The following SLC39A6 variants were observed in gnomAD, a reference collection of about 807,000 sequenced individuals.
SLC39A6 encodes the protein zinc transporter ZIP6.
SLC39A6 carries 51 observed loss-of-function variants against 63.5 expected under a neutral mutation model. The observed-to-expected ratio is 0.80, with a 90% confidence interval of 0.64 to 1.01. The LOEUF is 1.01. Ranked by LOEUF, SLC39A6 falls within the 50% of genes least tolerant of loss-of-function variation. The pLI is 0.00. For synonymous variants in SLC39A6, 318 were observed against 324.7 expected (o/e 0.98, Z 0.22); for missense variants, 805 against 927.8 (o/e 0.87, Z 1.72).
rs2089361030 is a variant in SLC39A6 at position 36,117,982 on chromosome 18, G to A, written c.1360-1203C>T. Among the ~76,000 whole-genome samples the A allele has an allele frequency of 2.0e-5, 3 of 149,736 alleles. No homozygotes were observed. The South Asian group carries it at 6.3e-4, about 32-fold the overall frequency. ...GGAGGCGGAGCTTGCAGTGAGCAGA[G>A]ATCGCGCCACTGCACTCCAGCCGGG... On this transcript the variant is annotated intron_variant, in intron 5 of 9. Coordinates refer to ENST00000269187, the MANE Select transcript of SLC39A6 (RefSeq NM_012319.4).
chr18:36,121,631 A>G (rs2089395146), intron 5 of SLC39A6, among the ~76,000 whole-genome samples: 1 of 152,216 alleles, frequency 6.6e-6, no homozygotes, highest in African/African-American at 2.4e-5. Context: ...GCAAGTCTGT[A>G]AAAGTCACAT....
rs756524103 is a variant in SLC39A6 at position 36,124,671 on chromosome 18, A to G, written c.819T>C (p.Ser273=). The part of the protein sequence containing the change: ...ECFNASKLLT[S]HGMGIQVPLN... ...GCGGAACCTGGATGCCCATGCCATG[A>G]GATGTCAGTAGCTTTGATGCATTGA... is the stretch of plus-strand genomic sequence containing the variant. Residue 273 remains serine (S), a synonymous_variant, in exon 3 of 10, where the codon TCT becomes TCC. Coordinates refer to ENST00000269187, the MANE Select transcript of SLC39A6 (RefSeq NM_012319.4). The G allele has an allele frequency of 6.4e-7, 1 of 1,571,346 alleles. No individual in the cohort carries two copies. The highest frequency in any genetic ancestry group is 1.7e-5 in the Admixed American group (1 of 59,422).
At chr18:36,125,617 C>T (rs2089431096) in intron 2 of SLC39A6, among the ~76,000 whole-genome samples, 1 of 151,814 alleles carries the variant, frequency 6.6e-6, no homozygotes, top group Non-Finnish European at 1.5e-5. Context: ...GACATAATTC[C>T]CTGTTCTTGA....
chr18:36,110,569 T>C (rs2089293013), intron 9 of SLC39A6, among the ~76,000 whole-genome samples: 1 of 152,144 alleles, frequency 6.6e-6, no homozygotes, highest in South Asian at 2.1e-4. Flanking sequence ...GACAGAGTCT[T>C]GCTCTGTTGT....
chr18:36,112,362 T>C (rs555494871), intron 8 of SLC39A6, 139 bp downstream of exon 8: 1 of 663,168 alleles, frequency 1.5e-6, no homozygotes, highest in East Asian at 2.5e-5. Flanking sequence ...TGATCCCTGA[T>C]GTCATCAGTA....
chr18:36,110,969 CA>C lies in SLC39A6; in HGVS notation c.2115+89del. ...AGCAAGATTCCACTTCCTGCTCCCC[CA>C]AAAAGAGAGAAAAAAAATGAGGCTT... is the stretch of plus-strand genomic sequence containing the variant. On this transcript the variant is annotated intron_variant, in intron 9 of 9. Transcript: ENST00000269187. 6 of 1,535,000 alleles carry C rather than the reference CA, an allele frequency of 3.9e-6. No individual in the cohort carries two copies. The South Asian group carries it at 6.4e-5, about 16-fold the overall frequency.
chr18:36,115,491 CA>C (rs1567958021), intron 6 of SLC39A6, among the ~76,000 whole-genome samples: 9 of 142,954 alleles, frequency 6.3e-5, no homozygotes, highest in African/African-American at 2.3e-4. Context: ...ACAACAACAA[CA>C]ACCATATATC....
chr18:36,123,723 A>G, intron 3 of SLC39A6, 59 bp from the exon 4 acceptor site: 2 of 1,518,334 alleles, frequency 1.3e-6, no homozygotes, highest in Non-Finnish European at 1.8e-6. Context: ...ACTCTACAAG[A>G]AAGACTTTTG....
chr18:36,124,783 G>T lies in SLC39A6; in HGVS notation c.790-83C>A, dbSNP rs984383677. On this transcript the variant is annotated intron_variant, in intron 2 of 9. Coordinates refer to ENST00000269187, the MANE Select transcript of SLC39A6 (RefSeq NM_012319.4). Reference sequence around the variant, plus strand: ...TGACACAATACCCTTTTTTACTAATGCTACTTCGTTTTCTCGAGTTAATGA... The same window carrying T: ...TGACACAATACCCTTTTTTACTAATTCTACTTCGTTTTCTCGAGTTAATGA... 1.0e-5 allele frequency: 11 copies of T among 1,094,572 alleles called. No homozygotes were observed. The African/African-American group carries it at 1.6e-4, about 16-fold the overall frequency. The allele number at this position is 1,094,572 out of a possible 1,614,324, so 67.8% of individuals were successfully genotyped here. A position where few individuals can be genotyped will look rare whatever the true frequency, so the allele number is the denominator to read the frequency against.
chr18:36,114,342 G>A lies in SLC39A6; in HGVS notation c.1598C>T (p.Pro533Leu), dbSNP rs200494000. The change falls in exon 7 of 10, where the codon CCC becomes CTC. Residue 533 changes from proline to leucine, a missense_variant. Around this residue, in one of 4 missense-constraint regions of SLC39A6, gnomAD observed 639 missense variants for 644.0 expected, o/e 0.99. Coordinates refer to ENST00000269187, the MANE Select transcript of SLC39A6 (RefSeq NM_012319.4). ...ATGGCATTTATTCTTGCACCCTCTG[G>A]GTACATATTCATTGTAGACTTCCTG... ...HPQEVYNEYV[P>L]RGCKNKCHSH... 7.1e-5 allele frequency: 115 copies of A among 1,614,116 alleles called. No individual in the cohort carries two copies. In the African/African-American group the frequency reaches 1.5e-3, roughly 21 times the overall value.
intron 4 of SLC39A6, 66 bp from the exon 5 acceptor site, chr18:36,122,336 T>A: frequency 1.6e-6 from 2 of 1,256,598 alleles, no homozygotes; most frequent in East Asian, 2.3e-5. Flanking sequence ...GAAAGTTGGC[T>A]AGGTAAGGTC....
At chr18:36,124,743 A>G in intron 2 of SLC39A6, 43 bp from the exon 3 acceptor site, 1 of 1,433,032 alleles carries the variant, frequency 7.0e-7, no homozygotes, top group South Asian at 1.5e-5. Context: ...AGCCATCCCC[A>G]TTAGAGTAGT....
chr18:36,113,522 T>C (rs966304735), intron 7 of SLC39A6, among the ~76,000 whole-genome samples: 1 of 152,204 alleles, frequency 6.6e-6, no homozygotes, highest in Admixed American at 6.5e-5. Context: ...ACAGCCTCCT[T>C]GGACAAGTGG....
At chr18:36,120,552 A>G (rs1426824244) in intron 5 of SLC39A6, among the ~76,000 whole-genome samples, 2 of 152,242 alleles carry the variant, frequency 1.3e-5, no homozygotes, top group Non-Finnish European at 2.9e-5. Context: ...CTCAGCAAAA[A>G]TCAACTGTGT....
At chr18:36,112,480 C>G (rs781465244) in intron 8 of SLC39A6, 21 bp downstream of exon 8, 3 of 1,587,038 alleles carry the variant, frequency 1.9e-6, no homozygotes, top group East Asian at 2.2e-5. Context: ...TTGGCAAATA[C>G]AATTTATGTG....
chr18:36,122,343 G>A (rs1350409318), intron 4 of SLC39A6, 73 bp from the exon 5 acceptor site: 2 of 1,138,134 alleles, frequency 1.8e-6, no homozygotes, highest in Admixed American at 2.0e-5. Flanking sequence ...GGCTAGGTAA[G>A]GTCAAAATTG....
intron 4 of SLC39A6, among the ~76,000 whole-genome samples, chr18:36,122,838 C>T (rs915560588): frequency 1.1e-4 from 17 of 152,266 alleles, no homozygotes; most frequent in African/African-American, 4.8e-5. Context: ...TAGGTATTCC[C>T]GAATGTCTGC....
At chr18:36,111,408 A>T (rs1490161376) in intron 8 of SLC39A6, among the ~76,000 whole-genome samples, 159 bp from the exon 9 acceptor site, 1 of 152,202 alleles carries the variant, frequency 6.6e-6, no homozygotes, top group Non-Finnish European at 1.5e-5. Context: ...CAGTGTTAGT[A>T]AATCACCCTA....
rs371482939 is a variant in SLC39A6, at chr18:36,126,702, G to A, written c.306C>T (p.His102=). ...GACGCTCATGGTCTGAGTGATGCTC[G>A]TGGTCTGAGTGATGGTCGTGGTCAT... ...IHHDHDHHSD[H]EHHSDHERHS... is the part of the protein sequence containing the mutation. The change falls in exon 2 of 10, where the codon CAC becomes CAT. Residue 102 remains histidine (H), a synonymous_variant. Coordinates refer to ENST00000269187, the MANE Select transcript of SLC39A6 (RefSeq NM_012319.4). The A allele has an allele frequency of 1.2e-5, 19 of 1,613,356 alleles. No homozygotes were observed. The highest frequency in any genetic ancestry group is 9.3e-5 in the African/African-American group (7 of 74,910).
Sources: gnomAD v4.1 joint callset for allele counts (sites outside exome capture counted in the v4.1 genomes callset) on GRCh38, gnomAD v4.1.1 for gene constraint, gnomAD v4.1.1 regional missense constraint, MANE v1.5 for transcripts, NCBI Gene and HGNC (gene_info 2026-07-23, HGNC 2026-07-21) for gene names.